LPIN1: variants seen among roughly 807,000 people sequenced by gnomAD.
The protein encoded by LPIN1 is lipin 1.
In LPIN1, 71 loss-of-function variants were observed where a neutral mutation model predicts 107.5. That is an observed-to-expected ratio of 0.66 (90% confidence interval 0.55 to 0.80). LPIN1 has a LOEUF of 0.80. Ranked by LOEUF, LPIN1 falls within the 30% of genes least tolerant of loss-of-function variation. The pLI is 0.00. For missense variants in LPIN1, 1,043 were observed against 1,160.6 expected (o/e 0.90, Z 1.47); for synonymous variants, 445 against 452.6 (o/e 0.98, Z 0.21).
chr2:11,686,139 G>A (rs1018199478), intron 1 of LPIN1, among the ~76,000 whole-genome samples: 9 of 152,140 alleles, frequency 5.9e-5, no homozygotes, highest in African/African-American at 2.2e-4. Flanking sequence ...CACAGCAAGC[G>A]CCTGGAACTT....
intron 1 of LPIN1, among the ~76,000 whole-genome samples, chr2:11,688,011 A>G (rs1572310569): frequency 6.6e-6 from 1 of 152,174 alleles, no homozygotes; most frequent in African/African-American, 2.4e-5. Context: ...CCTTGTTGAA[A>G]TTTGTCCACC....
At chr2:11,744,050 T>A (rs146784757), upstream of LPIN1, among the ~76,000 whole-genome samples, 1,953 of 152,350 alleles carry the variant, frequency 0.013, 16 homozygotes, top group Non-Finnish European at 0.019. Context: ...AGCAGATCTG[T>A]GTCATGTGCA....
At chr2:11,698,618 C>T (rs557618973) in intron 1 of LPIN1, among the ~76,000 whole-genome samples, 1 of 152,366 alleles carries the variant, frequency 6.6e-6, no homozygotes, top group East Asian at 1.9e-4. Context: ...GAATTCCTTT[C>T]TTCCGCGTTA....
At chr2:11,692,058 C>T (rs761814429) in intron 1 of LPIN1, among the ~76,000 whole-genome samples, 25 of 152,226 alleles carry the variant, frequency 1.6e-4, no homozygotes, top group Non-Finnish European at 3.5e-4. Flanking sequence ...CACTTTCTTA[C>T]AGGCTGTTAC....
At chr2:11,775,766 G>C (rs572288161) in intron 5 of LPIN1, among the ~76,000 whole-genome samples, 151 of 150,420 alleles carry the variant, frequency 1.0e-3, no homozygotes, top group African/African-American at 3.6e-3. Flanking sequence ...GCCATTATCA[G>C]ATGTCTGAGT....
intron 1 of LPIN1, among the ~76,000 whole-genome samples, chr2:11,705,731 G>A (rs573438641): frequency 3.3e-5 from 5 of 152,328 alleles, no homozygotes; most frequent in South Asian, 4.1e-4. Context: ...CTGCAAGTGT[G>A]GGTGAAAACT....
chr2:11,767,994 G>A (rs765099104), intron 3 of LPIN1, 136 bp downstream of exon 3: 28 of 710,864 alleles, frequency 3.9e-5, no homozygotes, highest in South Asian at 2.2e-4. Flanking sequence ...AAAAGTGGGC[G>A]TTGATCTGTG....
upstream of LPIN1, among the ~76,000 whole-genome samples, chr2:11,744,729 A>G (rs1666719510): frequency 6.6e-6 from 1 of 152,200 alleles, no homozygotes; most frequent in Non-Finnish European, 1.5e-5. Flanking sequence ...ACTTCTTCCC[A>G]GGCCAGCTCC....
chr2:11,726,445 C>T (rs1664663216), intron 1 of LPIN1, among the ~76,000 whole-genome samples: 2 of 152,126 alleles, frequency 1.3e-5, no homozygotes, highest in African/African-American at 4.8e-5. Flanking sequence ...ACGTGTTGCT[C>T]CACTGTTACT....
Position 11,779,589 on chromosome 2 carries a change from G to A in LPIN1, c.901G>A (p.Gly301Arg), listed in dbSNP as rs1216748279. Reference sequence around the variant, plus strand: ...GGTCAGCAAGTCCACGGAAAGGACAGGGCAGAAGAACCCAGAAATGCTTTG... The same window carrying A: ...GGTCAGCAAGTCCACGGAAAGGACAAGGCAGAAGAACCCAGAAATGCTTTG... ...ELVSKSTERTGQKNPEMLWLW... is the reference protein window; with the variant it reads ...ELVSKSTERTRQKNPEMLWLW... Residue 301 changes from glycine to arginine, a missense_variant, in exon 7 of 21, where the codon GGG (glycine) becomes AGG (arginine). Coordinates refer to ENST00000674199, the MANE Select transcript of LPIN1 (RefSeq NM_001349206.2). 1 of 1,614,122 alleles carries A rather than the reference G, an allele frequency of 6.2e-7. No homozygotes were observed. Among genetic ancestry groups the A allele is most frequent in the Non-Finnish European group, 8.5e-7 (1 of 1,180,012 alleles).
chr2:11,807,443 A>G (rs1678897120), intron 17 of LPIN1, among the ~76,000 whole-genome samples: 1 of 151,940 alleles, frequency 6.6e-6, no homozygotes, highest in Non-Finnish European at 1.5e-5. Context: ...CAGCTGATTC[A>G]TTTGGTTTTT....
intron 1 of LPIN1, among the ~76,000 whole-genome samples, chr2:11,760,011 C>T (rs1669482118): frequency 6.7e-6 from 1 of 149,598 alleles, no homozygotes; most frequent in East Asian, 2.1e-4. Context: ...GACGGGGCGG[C>T]CGGGCAGAGA....
chr2:11,824,879 T>G lies in LPIN1; in HGVS notation c.*88T>G, dbSNP rs774089641. 6.9e-5 allele frequency: 101 copies of G among 1,464,352 alleles called. No individual in the cohort carries two copies. The highest frequency in any genetic ancestry group is 6.3e-5 in the Non-Finnish European group (66 of 1,051,628). The allele number at this position is 1,464,352 out of a possible 1,614,324, so 90.7% of individuals were successfully genotyped here. On this transcript the variant is annotated 3_prime_UTR_variant, in exon 21 of 21. Coordinates refer to ENST00000674199, the MANE Select transcript of LPIN1 (RefSeq NM_001349206.2). ...TCTCCCCGGAGTGCACAGCTCCACCTGGGAGCCTGGCGCGTCATCATTGGC... is the reference window on the plus strand; with the variant it reads ...TCTCCCCGGAGTGCACAGCTCCACCGGGGAGCCTGGCGCGTCATCATTGGC...
intron 10 of LPIN1, among the ~76,000 whole-genome samples, chr2:11,785,923 G>A (rs1349551681): frequency 1.3e-5 from 2 of 152,140 alleles, no homozygotes; most frequent in East Asian, 1.9e-4. Flanking sequence ...GGGTCCCGCC[G>A]GCTCCATTCA....
intron 1 of LPIN1, among the ~76,000 whole-genome samples, chr2:11,679,110 C>T (rs1039746014): frequency 1.2e-4 from 19 of 152,208 alleles, no homozygotes; most frequent in African/African-American, 4.3e-4. Context: ...CTGACTCTCT[C>T]GCCAGCCTGA....
At chr2:11,720,497 A>G (rs1473526004), upstream of LPIN1, among the ~76,000 whole-genome samples, 5 of 152,176 alleles carry the variant, frequency 3.3e-5, no homozygotes, top group Non-Finnish European at 7.3e-5. Context: ...GGTGTCTAAC[A>G]GGGAGAACTG....
intron 1 of LPIN1, among the ~76,000 whole-genome samples, chr2:11,738,758 A>C (rs1666044284): frequency 6.6e-6 from 1 of 152,192 alleles, no homozygotes; most frequent in South Asian, 2.1e-4. Flanking sequence ...AGGGAGCTAG[A>C]ATTTGCAGGG....
chr2:11,784,028 G>C, intron 9 of LPIN1, 106 bp downstream of exon 9: 1 of 1,583,554 alleles, frequency 6.3e-7, no homozygotes, highest in Admixed American at 1.7e-5. Flanking sequence ...AAGACAGCTG[G>C]GCGCGGTGGC....
chr2:11,771,115 C>T lies in LPIN1; in HGVS notation c.289-257C>T, dbSNP rs1294385695. ...GGCTTGAGATCACTGAGAATTACCT[C>T]CCATTGTTAAAATTACATAAATGCA... On this transcript the variant is annotated intron_variant, in intron 3 of 20. Coordinates refer to ENST00000674199, the MANE Select transcript of LPIN1 (RefSeq NM_001349206.2). This position sits in a 1 kb window ranked among gnomAD's most constrained non-coding sequence, Gnocchi z 4.8. Among the ~76,000 whole-genome samples, 1 of 152,118 alleles carries T rather than the reference C, an allele frequency of 6.6e-6. No individual in the cohort carries two copies. Among genetic ancestry groups the T allele is most frequent in the Non-Finnish European group, 1.5e-5 (1 of 68,020 alleles).
Sources: gnomAD v4.1 joint callset for allele counts (sites outside exome capture counted in the v4.1 genomes callset) on GRCh38, gnomAD v4.1.1 for gene constraint, Gnocchi (gnomAD v3.1) non-coding constraint, MANE v1.5 for transcripts, NCBI Gene and HGNC (gene_info 2026-07-23, HGNC 2026-07-21) for gene names.